AMPD3: variants seen among roughly 807,000 people sequenced by gnomAD.
AMPD3 encodes the protein adenosine monophosphate deaminase 3, also known as AMP deaminase 3.
Under a neutral mutation model 82.3 loss-of-function variants are expected in AMPD3, and 57 were observed. The observed-to-expected ratio is 0.69, with a 90% CI of 0.56 to 0.86. The LOEUF is 0.86. Among genes scored for constraint, AMPD3 ranks in the 40% least tolerant of loss-of-function variants. AMPD3 has a pLI of 0.00. For missense variants in AMPD3, 870 were observed against 1,003.8 expected (o/e 0.87, Z 1.80); for synonymous variants, 381 against 394.7 (o/e 0.97, Z 0.41).
intron 2 of AMPD3, among the ~76,000 whole-genome samples, chr11:10,465,288 C>G (rs1848386325): frequency 6.6e-6 from 1 of 152,134 alleles, no homozygotes; most frequent in Non-Finnish European, 1.5e-5. Flanking sequence ...CTGGATAATA[C>G]AGTGATGATC....
At chr11:10,458,807 G>C (rs186631296) in intron 1 of AMPD3, among the ~76,000 whole-genome samples, 88 of 152,302 alleles carry the variant, frequency 5.8e-4, no homozygotes, top group Non-Finnish European at 9.8e-4. Context: ...ATTTGTAGAA[G>C]TAAAGTTGCT....
intron 6 of AMPD3, 129 bp downstream of exon 6, chr11:10,487,493 G>T: frequency 7.7e-7 from 1 of 1,304,098 alleles, no homozygotes; most frequent in Non-Finnish European, 1.1e-6. Flanking sequence ...CGGCCTTCGT[G>T]GCCAGAGGGG....
chr11:10,486,665 G>A (rs545916637), intron 5 of AMPD3: 22 of 985,424 alleles, frequency 2.2e-5, no homozygotes, highest in Middle Eastern at 5.2e-4. Context: ...TCCTTGGGCC[G>A]TGGCCATTAG....
intron 2 of AMPD3, among the ~76,000 whole-genome samples, 188 bp downstream of exon 2, chr11:10,461,928 T>C (rs1388315429): frequency 6.6e-6 from 1 of 152,188 alleles, no homozygotes; most frequent in Non-Finnish European, 1.5e-5. Flanking sequence ...TCTGTTGCAC[T>C]GAAAAGATCA....
intron 1 of AMPD3, 40 bp from the exon 2 acceptor site, chr11:10,461,475 C>G: frequency 6.2e-7 from 1 of 1,613,674 alleles, no homozygotes; most frequent in Non-Finnish European, 8.5e-7. Flanking sequence ...GCTGGTGACT[C>G]AGGGCATCCT....
intron 6 of AMPD3, chr11:10,488,140 C>A: frequency 1.1e-6 from 1 of 903,570 alleles, no homozygotes; most frequent in Non-Finnish European, 1.3e-6. Context: ...GGGATGGCAG[C>A]CTTGTCCGGG....
intron 2 of AMPD3, among the ~76,000 whole-genome samples, chr11:10,466,903 G>T (rs945599467): frequency 4.6e-5 from 7 of 152,234 alleles, no homozygotes; most frequent in African/African-American, 1.7e-4. Context: ...GCCAAACAGG[G>T]TCTGGAGTGG....
In AMPD3 at chr11:10,461,429, G is replaced by A. The variant is rs186250080; in HGVS notation, c.-5-86G>A. The A allele has an allele frequency of 7.5e-6, 12 of 1,607,510 alleles. No individual in the cohort carries two copies. In the South Asian group the frequency reaches 1.3e-4, roughly 18 times the overall value. On this transcript the variant is annotated intron_variant, in intron 1 of 14. Transcript: ENST00000396553. ...ACAGCTGACCCCAAGTACCAGGTGGGCCTGGCCCTCACTTCAGTGCCTTCT... is the reference window on the plus strand; with the variant it reads ...ACAGCTGACCCCAAGTACCAGGTGGACCTGGCCCTCACTTCAGTGCCTTCT...
chr11:10,468,437 A>G (rs1467947219), intron 2 of AMPD3, among the ~76,000 whole-genome samples: 1 of 152,232 alleles, frequency 6.6e-6, no homozygotes, highest in Non-Finnish European at 1.5e-5. Flanking sequence ...GCATTACATA[A>G]TGGTAAAGGG....
intron 5 of AMPD3, among the ~76,000 whole-genome samples, chr11:10,485,668 A>C (rs1053439476): frequency 1.3e-5 from 2 of 148,370 alleles, no homozygotes; most frequent in African/African-American, 2.4e-5. Context: ...TTACCAGCCC[A>C]GAGCATAACT....
At chr11:10,504,757 C>T (rs1312116409) in intron 14 of AMPD3, 98 bp downstream of exon 14, 7 of 1,128,826 alleles carry the variant, frequency 6.2e-6, no homozygotes, top group Non-Finnish European at 9.4e-6. Context: ...ATGAACATAG[C>T]AGGCAGGGCC....
Position 10,462,241 on chromosome 11 carries a change from A to C in AMPD3, c.221+501A>C, listed in dbSNP as rs79463233. 3.7e-4 allele frequency among the ~76,000 whole-genome samples: 56 copies of C among 152,180 alleles called. 1 individual carries two copies. Among genetic ancestry groups the C allele is most frequent in the Admixed American group, 2.6e-4 (4 of 15,278 alleles). On this transcript the variant is annotated intron_variant, in intron 2 of 14. Transcript: ENST00000396553. ...GTGCTGTATCAGTCAGGGTCCAACT[A>C]GAAGATCAGAAACCAATGAAGTATT... is the stretch of plus-strand genomic sequence containing the variant.
At chr11:10,480,506 C>T (rs930623075) in intron 3 of AMPD3, among the ~76,000 whole-genome samples, 1 of 136,592 alleles carries the variant, frequency 7.3e-6, no homozygotes, top group African/African-American at 2.5e-5. Flanking sequence ...AAAAGTCTTG[C>T]TTTTTGTATT....
intron 1 of AMPD3, chr11:10,460,737 T>C (rs537818603): frequency 3.8e-6 from 1 of 263,538 alleles, no homozygotes; most frequent in South Asian, 1.4e-4. Flanking sequence ...GCTATACAAG[T>C]AATTGCAAAA....
chr11:10,502,593 G>A, intron 12 of AMPD3, 128 bp from the exon 13 acceptor site: 1 of 1,591,100 alleles, frequency 6.3e-7, no homozygotes, highest in South Asian at 1.1e-5. Context: ...TCGGGTTGAG[G>A]ACTTGGGCAG....
intron 11 of AMPD3, chr11:10,501,178 C>A (rs190796838): frequency 2.0e-6 from 2 of 985,330 alleles, no homozygotes; most frequent in Non-Finnish European, 2.4e-6. Context: ...TCTACGAATG[C>A]GGGACACAAG....
chr11:10,489,214 T>C (rs1849169177), intron 6 of AMPD3, among the ~76,000 whole-genome samples: 1 of 152,182 alleles, frequency 6.6e-6, no homozygotes, highest in Non-Finnish European at 1.5e-5. Flanking sequence ...TGAACTCCTC[T>C]CAGCCCTGCC....
chr11:10,477,556 A>G (rs4910143), intron 2 of AMPD3, among the ~76,000 whole-genome samples: 85,511 of 152,066 alleles, frequency 0.56, 24,618 homozygotes, highest in East Asian at 0.74. Flanking sequence ...GCAAATAAGC[A>G]TGGGCTTGTG....
At chr11:10,497,339 G>T (rs572434465) in intron 10 of AMPD3, among the ~76,000 whole-genome samples, 1 of 152,014 alleles carries the variant, frequency 6.6e-6, no homozygotes, top group Non-Finnish European at 1.5e-5. Context: ...GCTTTACCTC[G>T]CAACAGAGGC....
Sources: allele counts gnomAD v4.1 joint callset (sites outside exome capture counted in the v4.1 genomes callset), GRCh38; gene constraint gnomAD v4.1.1; transcripts MANE v1.5; gene names NCBI Gene and HGNC (gene_info 2026-07-23, HGNC 2026-07-21).